The following PTPRD variants were observed in gnomAD, a reference collection of about 807,000 sequenced individuals.
PTPRD encodes protein tyrosine phosphatase receptor type D, also known as receptor-type tyrosine-protein phosphatase delta.
A neutral mutation model predicts 214.5 loss-of-function variants in PTPRD; 34 were observed. The observed-to-expected ratio is 0.16, with a 90% confidence interval of 0.12 to 0.21. The LOEUF is 0.21. Among genes scored for constraint, PTPRD ranks in the 10% least tolerant of loss-of-function variants. The probability of loss-of-function intolerance (pLI) is 1.00; values close to 1 mark genes in which losing one functional copy is unlikely to be tolerated. For synonymous variants in PTPRD, 1,128 were observed against 845.7 expected, an observed-to-expected ratio of 1.33 and a Z score of -5.79; for missense variants, 2,545 against 2,398.7, an observed-to-expected ratio of 1.06 and a Z score of -1.27.
intron 10 of PTPRD, among the ~76,000 whole-genome samples, chr9:9,175,904 A>C (rs1274585905): frequency 2.0e-5 from 3 of 152,106 alleles, no homozygotes; most frequent in Admixed American, 6.6e-5. Flanking sequence ...TAATGCCCCA[A>C]ATCTGTAGGC....
Position 8,345,122 on chromosome 9 carries a change from T to C in PTPRD, c.4662-3144A>G, listed in dbSNP as rs556163900. 8.0e-4 allele frequency among the ~76,000 whole-genome samples: 121 copies of C among 152,182 alleles called. 1 individual carries two copies. The highest frequency in any genetic ancestry group is 2.7e-3 in the African/African-American group (111 of 41,572). On this transcript the variant is annotated intron_variant, in intron 39 of 45. Transcript: ENST00000381196. ...TTTCCTCTGCCTTCTTTCCAATAAA[T>C]GTGCCTTATACCTGAGGAGCTTTCT... is the stretch of plus-strand genomic sequence containing the variant.
At chr9:8,777,170 G>T (rs1373051689) in intron 11 of PTPRD, among the ~76,000 whole-genome samples, 2 of 151,614 alleles carry the variant, frequency 1.3e-5, no homozygotes, top group African/African-American at 4.8e-5. Context: ...TTAGAGATGG[G>T]GGTCTTACTA....
chr9:9,899,199 T>C (rs1401178012), intron 5 of PTPRD, among the ~76,000 whole-genome samples: 3 of 152,016 alleles, frequency 2.0e-5, no homozygotes, highest in Non-Finnish European at 2.9e-5. Flanking sequence ...AGAGAATCTG[T>C]AGGTAGAGAA....
At chr9:9,228,103 C>A (rs1171859347) in intron 9 of PTPRD, among the ~76,000 whole-genome samples, 10 of 152,164 alleles carry the variant, frequency 6.6e-5, no homozygotes, top group African/African-American at 2.4e-4. Context: ...ATAAAATGTA[C>A]AAATATAGAT....
Position 9,495,837 on chromosome 9 carries a change from T to C in PTPRD, c.-237+78895A>G, listed in dbSNP as rs552446251. Among the ~76,000 whole-genome samples, 13 of 152,284 alleles carry C rather than the reference T, an allele frequency of 8.5e-5. No individual in the cohort carries two copies. The East Asian group carries it at 2.5e-3, about 29-fold the overall frequency. Reference sequence around the variant, plus strand: ...ACTGGCAGAGGGCAGCCACCCCACGTGATGAGGCAATGGGCCAACTGAGCT... The same window carrying C: ...ACTGGCAGAGGGCAGCCACCCCACGCGATGAGGCAATGGGCCAACTGAGCT... On this transcript the variant is annotated intron_variant, in intron 8 of 45. Transcript: ENST00000381196.
chr9:9,034,081 G>T (rs1270487998), intron 10 of PTPRD, among the ~76,000 whole-genome samples: 1 of 152,118 alleles, frequency 6.6e-6, no homozygotes, highest in Admixed American at 6.6e-5. Context: ...ACAGGGAATA[G>T]AAGCAAATGG....
chr9:10,429,636 T>C (rs780981223), intron 2 of PTPRD, among the ~76,000 whole-genome samples: 1 of 151,448 alleles, frequency 6.6e-6, no homozygotes, highest in South Asian at 2.1e-4. Flanking sequence ...TGTGTTCACA[T>C]AGGCATATAA....
chr9:8,401,423 A>G (rs889709961), intron 36 of PTPRD, among the ~76,000 whole-genome samples: 1 of 152,208 alleles, frequency 6.6e-6, no homozygotes, highest in Admixed American at 6.5e-5. Flanking sequence ...AACTGCTTAA[A>G]CATAGAGGGG....
intron 7 of PTPRD, among the ~76,000 whole-genome samples, chr9:9,732,004 C>T (rs77795255): frequency 2.0e-5 from 3 of 152,182 alleles, no homozygotes; most frequent in Middle Eastern, 3.4e-3. Flanking sequence ...TATGCTTTGT[C>T]ATCTTAAAAA....
At chr9:9,780,237 T>C (rs2147069) in intron 5 of PTPRD, among the ~76,000 whole-genome samples, 25,361 of 151,824 alleles carry the variant, frequency 0.17, 2,645 homozygotes, top group East Asian at 0.28. Context: ...ATGAGAACAA[T>C]AGACACTGCA....
intron 11 of PTPRD, among the ~76,000 whole-genome samples, chr9:8,781,200 T>C (rs934878611): frequency 1.3e-5 from 2 of 152,186 alleles, no homozygotes; most frequent in Admixed American, 1.3e-4. Context: ...AAAGAGAATT[T>C]ATCATCGGCA....
In PTPRD at chr9:8,447,711, C is replaced by T. The variant is rs548978253; in HGVS notation, c.3988+2014G>A. 2.6e-5 allele frequency among the ~76,000 whole-genome samples: 4 copies of T among 152,256 alleles called. No individual in the cohort carries two copies. The South Asian group carries it at 8.3e-4, about 32-fold the overall frequency. The stretch of plus-strand genomic sequence containing the variant: ...TGAGGTGTAGCAGCACTCTCACTGG[C>T]TCCCTTCTTTTGGGGGTACCCTTGC... On this transcript the variant is annotated intron_variant, in intron 34 of 45. Transcript: ENST00000381196.
chr9:8,966,798 C>T (rs1349919448), intron 11 of PTPRD, among the ~76,000 whole-genome samples: 1 of 152,004 alleles, frequency 6.6e-6, no homozygotes, highest in Non-Finnish European at 1.5e-5. Flanking sequence ...GCAAAAGAAA[C>T]TATCAACAGA....
rs148589011 is a variant in PTPRD, at chr9:9,987,531, C to T, written c.-472+46187G>A. On this transcript the variant is annotated intron_variant, in intron 4 of 45. Coordinates refer to ENST00000381196, the MANE Select transcript of PTPRD (RefSeq NM_002839.4). ...ATCTCATGAGACCAATTCACTATCA[C>T]GAGAACAGCACGGGAAAGACCTGCC... Among the ~76,000 whole-genome samples the T allele has an allele frequency of 2.2e-3, 334 of 152,148 alleles. 1 individual carries two copies. The highest frequency in any genetic ancestry group is 7.3e-3 in the African/African-American group (302 of 41,504).
chr9:8,702,444 T>C (rs1396449383), intron 12 of PTPRD, among the ~76,000 whole-genome samples: 1 of 152,040 alleles, frequency 6.6e-6, no homozygotes, highest in Admixed American at 6.6e-5. Context: ...ACTACGTGAG[T>C]TCATGAGAAT....
intron 9 of PTPRD, among the ~76,000 whole-genome samples, chr9:9,225,397 G>A (rs1468397139): frequency 6.6e-6 from 1 of 151,940 alleles, no homozygotes; most frequent in African/African-American, 2.4e-5. Context: ...AAGAAATATA[G>A]AGCACCTCTT....
intron 3 of PTPRD, among the ~76,000 whole-genome samples, chr9:10,117,466 G>A (rs2098739592): frequency 6.6e-6 from 1 of 152,006 alleles, no homozygotes. Flanking sequence ...CAAAATCAAG[G>A]CATTAGCAGG....
Position 8,928,786 on chromosome 9 carries a change from T to C in PTPRD, c.-104+89911A>G, listed in dbSNP as rs565416468. ...AATCTATAAATTACTTGAGGTAATA[T>C]GGCCATTTTCATGATATTGATTCTT... On this transcript the variant is annotated intron_variant, in intron 11 of 45. Transcript: ENST00000381196. Among the ~76,000 whole-genome samples, 5 of 152,304 alleles carry C rather than the reference T, an allele frequency of 3.3e-5. No individual in the cohort carries two copies. In the East Asian group the frequency reaches 7.7e-4, roughly 24 times the overall value.
chr9:8,347,468 TG>T (rs2074184740), intron 39 of PTPRD, among the ~76,000 whole-genome samples: 1 of 152,136 alleles, frequency 6.6e-6, no homozygotes, highest in South Asian at 2.1e-4. Flanking sequence ...TGGGGGAATC[TG>T]ACATTAAATA....
Sources: allele counts gnomAD v4.1 joint callset (sites outside exome capture counted in the v4.1 genomes callset), GRCh38; gene constraint gnomAD v4.1.1; transcripts MANE v1.5; gene names NCBI Gene and HGNC (gene_info 2026-07-23, HGNC 2026-07-21).